The following CDH11 variants were observed in gnomAD, a reference collection of about 807,000 sequenced individuals.
The protein encoded by CDH11 is cadherin-11.
CDH11 carries 11 observed loss-of-function variants against 67.8 expected under a neutral mutation model. That is an observed-to-expected ratio of 0.16 (90% CI 0.10 to 0.27). The LOEUF (loss-of-function observed/expected upper bound fraction) is 0.27, where lower values mean the gene tolerates loss of function less well. Ranked by LOEUF, CDH11 falls within the 10% of genes least tolerant of loss-of-function variation. CDH11 has a pLI of 1.00. For missense variants in CDH11, 847 were observed against 1,031.2 expected (o/e 0.82, Z 2.45); for synonymous variants, 419 against 400.0 (o/e 1.05, Z -0.57).
At chr16:65,000,021 A>T (rs2072879765) in intron 3 of CDH11, among the ~76,000 whole-genome samples, 1 of 152,186 alleles carries the variant, frequency 6.6e-6, no homozygotes, top group African/African-American at 2.4e-5. Flanking sequence ...TTCTAATGCT[A>T]AAGGTAGGTA....
At chr16:65,045,328 A>AATATATATATAT (rs1182728954) in intron 2 of CDH11, among the ~76,000 whole-genome samples, 1 of 46,110 alleles carries the variant, frequency 2.2e-5, no homozygotes, top group African/African-American at 8.9e-5. Flanking sequence ...TTCCCTCAAA[A>AATATATATATAT]GTATATATAT....
At chr16:65,120,519 C>T (rs1227402453) in intron 1 of CDH11, among the ~76,000 whole-genome samples, 1 of 152,138 alleles carries the variant, frequency 6.6e-6, no homozygotes, top group Admixed American at 6.5e-5. Flanking sequence ...AGCACGATTT[C>T]TTTAGGGGGA....
chr16:64,974,366 G>C (rs1379312681), intron 8 of CDH11, among the ~76,000 whole-genome samples: 1 of 152,164 alleles, frequency 6.6e-6, no homozygotes, highest in Admixed American at 6.5e-5. Flanking sequence ...AAGGCATTCA[G>C]TGATGGTCAA....
intron 2 of CDH11, among the ~76,000 whole-genome samples, chr16:65,027,141 C>T (rs951637724): frequency 6.6e-6 from 1 of 152,062 alleles, no homozygotes; most frequent in African/African-American, 2.4e-5. Flanking sequence ...ACTTGGCTAC[C>T]GCTCACAACA....
Position 64,992,898 on chromosome 16 carries a change from GTGACATTCC to G in CDH11, c.643+8_643+16del, listed in dbSNP as rs2072666229. 3 of 1,611,776 alleles carry G rather than the reference GTGACATTCC, an allele frequency of 1.9e-6. No homozygotes were observed. Among genetic ancestry groups the G allele is most frequent in the Non-Finnish European group, 1.7e-6 (2 of 1,178,578 alleles). On this transcript the variant is annotated splice_region_variant and intron_variant, in intron 5 of 12. Transcript: ENST00000268603. ...TATTCACCATGTGTCACAAATCACAGTGACATTCCACAGTACCTGTCTGTGCTTCCACCG... is the reference window on the plus strand; with the variant it reads ...TATTCACCATGTGTCACAAATCACAGACAGTACCTGTCTGTGCTTCCACCG...
intron 6 of CDH11, chr16:64,991,452 A>G (rs2072626355): frequency 3.6e-6 from 1 of 275,684 alleles, no homozygotes; most frequent in African/African-American, 2.1e-5. Context: ...AAATGAGGAC[A>G]CTGAGGCAGA....
chr16:64,947,522 A>T lies in CDH11; in HGVS notation c.*81T>A. Reference sequence around the variant, plus strand: ...TTTTAAATGAGCCTTTCCTTGATTTAAAAAAATACCTGTTTACACATCTTC... The same window carrying T: ...TTTTAAATGAGCCTTTCCTTGATTTTAAAAAATACCTGTTTACACATCTTC... On this transcript the variant is annotated 3_prime_UTR_variant, in exon 13 of 13. Transcript: ENST00000268603. 2.6e-6 allele frequency: 4 copies of T among 1,517,824 alleles called. No individual in the cohort carries two copies. Among genetic ancestry groups the T allele is most frequent in the Non-Finnish European group, 3.5e-6 (4 of 1,136,350 alleles). The allele number at this position is 1,517,824 out of a possible 1,614,324, so 94.0% of individuals were successfully genotyped here.
chr16:64,981,928 T>C, intron 8 of CDH11, 120 bp downstream of exon 8: 1 of 826,232 alleles, frequency 1.2e-6, no homozygotes, highest in Non-Finnish European at 1.9e-6. Flanking sequence ...TTACATTCTA[T>C]TGAACCTGAT....
chr16:65,099,912 C>G (rs1182683792), intron 1 of CDH11, among the ~76,000 whole-genome samples: 1 of 152,002 alleles, frequency 6.6e-6, no homozygotes, highest in East Asian at 1.9e-4. Context: ...AAAGTGAGAG[C>G]TGAAGGTCAG....
chr16:65,102,257 G>A (rs2075003417), intron 1 of CDH11, among the ~76,000 whole-genome samples: 1 of 152,174 alleles, frequency 6.6e-6, no homozygotes, highest in Non-Finnish European at 1.5e-5. Context: ...ATCCATTTCT[G>A]CACTGTTTAG....
At chr16:65,107,454 A>G (rs2075083852) in intron 1 of CDH11, among the ~76,000 whole-genome samples, 1 of 152,150 alleles carries the variant, frequency 6.6e-6, no homozygotes, top group South Asian at 2.1e-4. Context: ...CAGTGAGGTG[A>G]CTGCCAGAGG....
intron 11 of CDH11, among the ~76,000 whole-genome samples, chr16:64,953,519 T>A (rs968271386): frequency 2.7e-4 from 41 of 152,026 alleles, no homozygotes; most frequent in Non-Finnish European, 5.3e-4. Context: ...CTCTTATCAC[T>A]GGGGAAAATT....
intron 1 of CDH11, chr16:65,059,695 CACTTGACA>C (rs2074205896): frequency 6.6e-6 from 1 of 152,222 alleles, no homozygotes; most frequent in Admixed American, 6.5e-5. Flanking sequence ...GTTCCCCGGG[CACTTGACA>C]ACTGAAGCCA....
chr16:65,088,126 C>T (rs1042811661), intron 1 of CDH11, among the ~76,000 whole-genome samples: 4 of 152,114 alleles, frequency 2.6e-5, no homozygotes, highest in East Asian at 1.9e-4. Flanking sequence ...TCCTTACAAA[C>T]GAAGCTTCAG....
chr16:65,028,521 A>T (rs1277243663), intron 2 of CDH11, among the ~76,000 whole-genome samples: 3 of 152,064 alleles, frequency 2.0e-5, no homozygotes, highest in African/African-American at 7.2e-5. Context: ...CACATAAGAG[A>T]TACACACACA....
intron 12 of CDH11, 138 bp downstream of exon 12, chr16:64,950,629 A>AAC: frequency 1.5e-5 from 12 of 796,144 alleles, no homozygotes; most frequent in Non-Finnish European, 1.8e-5. Context: ...CCGCCCCCGT[A>AAC]CCCCACTTCT....
At chr16:64,970,996 A>C (rs1179466802) in intron 11 of CDH11, among the ~76,000 whole-genome samples, 1 of 152,244 alleles carries the variant, frequency 6.6e-6, no homozygotes, top group Admixed American at 6.5e-5. Flanking sequence ...AATAATCTGC[A>C]AGTCTAGAAC....
chr16:65,112,807 C>T (rs1422562756), intron 1 of CDH11, among the ~76,000 whole-genome samples: 1 of 152,126 alleles, frequency 6.6e-6, no homozygotes, highest in Non-Finnish European at 1.5e-5. Context: ...TATCAAACAG[C>T]GTATGAAATG....
intron 11 of CDH11, among the ~76,000 whole-genome samples, chr16:64,970,995 C>T (rs1413084985): frequency 1.3e-5 from 2 of 152,216 alleles, no homozygotes; most frequent in African/African-American, 4.8e-5. Context: ...TAATAATCTG[C>T]AAGTCTAGAA....
Sources: gnomAD v4.1 joint callset for allele counts (sites outside exome capture counted in the v4.1 genomes callset) on GRCh38, gnomAD v4.1.1 for gene constraint, MANE v1.5 for transcripts, NCBI Gene and HGNC (gene_info 2026-07-23, HGNC 2026-07-21) for gene names.